Variants in TTC34 observed in about 807,000 individuals in gnomAD.
TTC34 encodes tetratricopeptide repeat domain 34, also known as tetratricopeptide repeat protein 34.
TTC34 carries 44 observed loss-of-function variants against 40.7 expected under a neutral mutation model. That is an observed-to-expected ratio of 1.08 (90% CI 0.85 to 1.39). The LOEUF is 1.39. Among genes scored for constraint, TTC34 ranks in the 40% most tolerant of loss-of-function variants. The pLI is 0.00. For synonymous variants in TTC34, 422 were observed against 398.6 expected (o/e 1.06, Z -0.70); for missense variants, 884 against 838.0 (o/e 1.05, Z -0.68).
chr1:2,687,915 C>A (rs1336481627), intron 6 of TTC34, among the ~76,000 whole-genome samples: 1 of 137,862 alleles, frequency 7.3e-6, no homozygotes, highest in Non-Finnish European at 1.6e-5. Flanking sequence ...CAGACTGGAA[C>A]AGCACCCACA....
At chr1:2,756,005 C>T (rs1237699942) in intron 6 of TTC34, among the ~76,000 whole-genome samples, 6 of 67,304 alleles carry the variant, frequency 8.9e-5, no homozygotes, top group South Asian at 7.2e-4. Context: ...GCATCTGACA[C>T]CCTGAAACAG....
chr1:2,750,290 G>T (rs1321064074), intron 6 of TTC34, among the ~76,000 whole-genome samples: 2 of 68,008 alleles, frequency 2.9e-5, no homozygotes, highest in Non-Finnish European at 5.1e-5. Context: ...AGACCCCCAG[G>T]TGAGCATCTG....
intron 6 of TTC34, among the ~76,000 whole-genome samples, chr1:2,750,976 C>G (rs1422145768): frequency 3.9e-5 from 1 of 25,382 alleles, no homozygotes; most frequent in African/African-American, 1.9e-4. Context: ...CCCCCAGGTG[C>G]GCATGTGATG....
At chr1:2,692,647 G>GGC (rs1640678866) in intron 6 of TTC34, among the ~76,000 whole-genome samples, 1 of 82,336 alleles carries the variant, frequency 1.2e-5, no homozygotes, top group Non-Finnish European at 2.3e-5. Flanking sequence ...ATCTGACATC[G>GGC]TGGAGCAGCA....
exon 9 of TTC34, chr1:2,637,930 C>G (rs1006051197): frequency 6.6e-6 from 1 of 152,210 alleles, no homozygotes; most frequent in Non-Finnish European, 1.5e-5. Flanking sequence ...GATGCTGAAG[C>G]TTGGCATGGG....
intron 6 of TTC34, among the ~76,000 whole-genome samples, chr1:2,753,318 C>A (rs2100438372): frequency 8.0e-6 from 1 of 124,700 alleles, no homozygotes; most frequent in African/African-American, 3.4e-5. Flanking sequence ...ATCCGACAGC[C>A]TGGAGCATCA....
intron 2 of TTC34, among the ~76,000 whole-genome samples, chr1:2,793,589 T>C (rs577619901): frequency 6.6e-6 from 1 of 152,366 alleles, no homozygotes; most frequent in Non-Finnish European, 1.5e-5. Flanking sequence ...TATTTTCTTT[T>C]AGAAACTGTA....
At chr1:2,749,462 C>G (rs1427568891) in intron 6 of TTC34, among the ~76,000 whole-genome samples, 58 of 102,368 alleles carry the variant, frequency 5.7e-4, no homozygotes, top group African/African-American at 1.7e-3. Flanking sequence ...GAGCATCTGA[C>G]GGCCTGGAAC....
At chr1:2,688,547 G>A (rs1640479170) in intron 6 of TTC34, among the ~76,000 whole-genome samples, 1 of 141,652 alleles carries the variant, frequency 7.1e-6, no homozygotes, top group Non-Finnish European at 1.5e-5. Context: ...GCGAGCACCT[G>A]AACCCACGGA....
chr1:2,646,436 G>C (rs568718126), intron 6 of TTC34, among the ~76,000 whole-genome samples: 15 of 152,284 alleles, frequency 9.9e-5, no homozygotes, highest in Non-Finnish European at 1.8e-4. Flanking sequence ...CCAGGCTGGA[G>C]TGCAGTGGCA....
chr1:2,789,837 G>A (rs1478215243), exon 3 of TTC34: 1 of 434,894 alleles, frequency 2.3e-6, no homozygotes, highest in South Asian at 6.2e-5. Flanking sequence ...ATGGCGCGCC[G>A]CGAGTCCCCG....
At chr1:2,698,854 G>A (rs554151272) in intron 6 of TTC34, among the ~76,000 whole-genome samples, 1 of 149,914 alleles carries the variant, frequency 6.7e-6, no homozygotes, top group Non-Finnish European at 1.5e-5. Context: ...CACACTCCCA[G>A]GCGAGCATCT....
At chr1:2,801,122 C>A (rs117179786) in intron 1 of TTC34, among the ~76,000 whole-genome samples, 2,097 of 152,288 alleles carry the variant, frequency 0.014, 22 homozygotes, top group Admixed American at 0.024. Flanking sequence ...CAGTGGCCTC[C>A]CCCAGCTCAG....
chr1:2,655,043 G>T (rs1268386564), intron 6 of TTC34, among the ~76,000 whole-genome samples: 63 of 131,560 alleles, frequency 4.8e-4, no homozygotes, highest in African/African-American at 1.9e-3. Flanking sequence ...GCCCGGAACA[G>T]CACGCTGCAC....
At chr1:2,641,395 C>T (rs1474222273) in exon 9 of TTC34, 5 of 1,524,590 alleles carry the variant, frequency 3.3e-6, no homozygotes, top group African/African-American at 2.7e-5. Flanking sequence ...CTGAGGATGC[C>T]TCCCTCCGGA....
rs890839197 is a variant in TTC34, at chr1:2,783,804, G to A, written c.2060-29C>T. 33 of 1,447,182 alleles carry A rather than the reference G, an allele frequency of 2.3e-5. 1 individual carries two copies. Among genetic ancestry groups the A allele is most frequent in the South Asian group, 1.3e-4 (9 of 67,082 alleles). The allele number at this position is 1,447,182 out of a possible 1,614,324, so 89.6% of individuals were successfully genotyped here. ...CAGGAAGACGGCATGGGGTCAGGAT[G>A]AGCCTATGCTGGGTCCCTTCCCCAG... On this transcript the variant is annotated intron_variant, in intron 5 of 8. Coordinates refer to ENST00000401095, the Ensembl canonical transcript of TTC34.
chr1:2,643,867 C>T (rs1638964601), intron 8 of TTC34, among the ~76,000 whole-genome samples: 1 of 152,202 alleles, frequency 6.6e-6, no homozygotes, highest in South Asian at 2.1e-4. Flanking sequence ...GACCCCAAAG[C>T]CTGCTGTGCT....
intron 6 of TTC34, among the ~76,000 whole-genome samples, chr1:2,691,184 C>A (rs1287800448): frequency 1.5e-5 from 1 of 68,040 alleles, no homozygotes; most frequent in Non-Finnish European, 3.5e-5. Context: ...CCCTGCTTCC[C>A]CAGGTGAGCA....
At chr1:2,677,722 C>A (rs1350181314) in intron 6 of TTC34, among the ~76,000 whole-genome samples, 6 of 150,416 alleles carry the variant, frequency 4.0e-5, no homozygotes, top group South Asian at 2.1e-4. Flanking sequence ...CCTGGAACAG[C>A]ACCCTGCACC....
Sources: gnomAD v4.1 joint callset for allele counts (sites outside exome capture counted in the v4.1 genomes callset) on GRCh38, gnomAD v4.1.1 for gene constraint, MANE v1.5 for transcripts, NCBI Gene and HGNC (gene_info 2026-07-23, HGNC 2026-07-21) for gene names.